Variants in VRK3 observed in about 807,000 individuals in gnomAD.
VRK3 encodes the protein serine/threonine-protein kinase VRK3.
In VRK3, 50 loss-of-function variants were observed where a neutral mutation model predicts 60.4. The ratio of observed to expected loss-of-function variants is 0.83; its 90% CI spans 0.66 to 1.05. The LOEUF is 1.05. Ranked by LOEUF, VRK3 falls within the 50% of genes least tolerant of loss-of-function variation. The pLI, the probability that VRK3 is intolerant of heterozygous loss-of-function variation, is 0.00. For missense variants in VRK3, 549 were observed against 585.3 expected (o/e 0.94, Z 0.64); for synonymous variants, 246 against 227.8 (o/e 1.08, Z -0.72).
At chr19:49,997,743 T>G in intron 6 of VRK3, 173 bp from the exon 7 acceptor site, 22 of 575,714 alleles carry the variant, frequency 3.8e-5, no homozygotes, top group Non-Finnish European at 5.5e-5. Context: ...GACTGCGAGC[T>G]ACCTTGCTGT....
chr19:49,983,691 G>A (rs1248407197), intron 12 of VRK3, among the ~76,000 whole-genome samples: 6 of 152,206 alleles, frequency 3.9e-5, no homozygotes, highest in African/African-American at 7.2e-5. Flanking sequence ...TTTGTCTGTC[G>A]TGAACTACAA....
chr19:49,989,818 G>T (rs1484808097), intron 10 of VRK3, 47 bp from the exon 11 acceptor site: 1 of 1,522,542 alleles, frequency 6.6e-7, no homozygotes, highest in South Asian at 1.3e-5. Flanking sequence ...TAGGAGCGTA[G>T]AAGTCAGAGA....
At chr19:49,992,662 T>C (rs1466860569) in intron 10 of VRK3, among the ~76,000 whole-genome samples, 198 bp downstream of exon 10, 3 of 152,236 alleles carry the variant, frequency 2.0e-5, no homozygotes, top group Non-Finnish European at 2.9e-5. Context: ...GTGGATTTCT[T>C]TTTTTAAGAA....
intron 11 of VRK3, 138 bp from the exon 12 acceptor site, chr19:49,988,630 C>T: frequency 8.5e-7 from 1 of 1,180,674 alleles, no homozygotes; most frequent in South Asian, 1.6e-5. Flanking sequence ...TATGGGCTGT[C>T]TCCTCCGCTC....
At chr19:49,978,793 T>C (rs1447824157) in intron 14 of VRK3, 5 of 285,234 alleles carry the variant, frequency 1.8e-5, no homozygotes, top group Non-Finnish European at 1.3e-5. Context: ...TGATGCTATT[T>C]TTGAGGCCCT....
intron 11 of VRK3, among the ~76,000 whole-genome samples, chr19:49,988,769 C>T (rs570875103): frequency 2.0e-5 from 3 of 152,332 alleles, no homozygotes; most frequent in South Asian, 4.1e-4. Context: ...CAAGCCTCAG[C>T]ACCCGTGTGC....
At position 49,994,901 on chromosome 19, in the gene VRK3, G is replaced by A. The variant is rs2076675000; in HGVS notation, c.783C>T (p.Ser261=). The part of the protein sequence containing the change: ...QDKYRFLVLP[S]LGRSLQSALD... The stretch of plus-strand genomic sequence containing the variant: ...GGGCCGACTGAAGGCTCCTCCCCAG[G>A]CTGGGTAACACCAAGAACCTGGAAG... The change falls in exon 9 of 15, where the codon AGC becomes AGT. Residue 261 remains serine (S), a synonymous_variant. Transcript: ENST00000316763. 4 of 1,614,064 alleles carry A rather than the reference G, an allele frequency of 2.5e-6. No individual in the cohort carries two copies. The African/African-American group carries it at 4.0e-5, about 16-fold the overall frequency.
chr19:50,019,366 C>CCTTTTTTTTTTTTTTTTTTTTT (rs1555854630), intron 2 of VRK3: 1 of 148,732 alleles, frequency 6.7e-6, no homozygotes. Flanking sequence ...CCATGCCTGG[C>CCTTTTTTTTTTTTTTTTTTTTT]TAATTAAAAA....
intron 14 of VRK3, among the ~76,000 whole-genome samples, chr19:49,977,257 G>A (rs770155202): frequency 1.2e-4 from 18 of 152,142 alleles, no homozygotes; most frequent in Admixed American, 3.3e-4. Context: ...AAGGGAGCTC[G>A]GCCTCGGGCC....
intron 12 of VRK3, among the ~76,000 whole-genome samples, chr19:49,983,355 C>T (rs1364825751): frequency 1.3e-5 from 2 of 152,216 alleles, no homozygotes; most frequent in Non-Finnish European, 2.9e-5. Context: ...AGATACAGCT[C>T]GAGGGCTTGG....
At position 49,989,663 on chromosome 19, in the gene VRK3, T is replaced by A. The variant is rs1035424865; in HGVS notation, c.1072A>T (p.Ser358Cys). 1.2e-6 allele frequency: 2 copies of A among 1,613,664 alleles called. No individual in the cohort carries two copies. Among genetic ancestry groups the A allele is most frequent in the Non-Finnish European group, 1.7e-6 (2 of 1,179,688 alleles). The change falls in exon 11 of 15, where the codon AGC becomes TGC. Residue 358 changes from serine to cysteine, a missense_variant. Transcript: ENST00000316763. ...SPHEGDLEFI[S>C]MDLHKGCGPS... ...CCGCATCCCTTGTGCAGGTCCATGC[T>A]AATGAACTCAAGGTCCCCCTCGTGA...
At chr19:49,993,876 C>T (rs1207468022) in intron 9 of VRK3, among the ~76,000 whole-genome samples, 3 of 152,114 alleles carry the variant, frequency 2.0e-5, no homozygotes, top group Non-Finnish European at 4.4e-5. Context: ...TGGACCCTCA[C>T]TCAGATTCTT....
At chr19:50,014,119 C>T (rs2077037580) in intron 3 of VRK3, among the ~76,000 whole-genome samples, 1 of 151,956 alleles carries the variant, frequency 6.6e-6, no homozygotes, top group Non-Finnish European at 1.5e-5. Context: ...ATATAAAAAT[C>T]AGCCGGGCAT....
At chr19:49,992,974 T>C in intron 9 of VRK3, 22 bp from the exon 10 acceptor site, 6 of 1,604,282 alleles carry the variant, frequency 3.7e-6, no homozygotes, top group Non-Finnish European at 5.1e-6. Context: ...AGCAAGTCAG[T>C]GTCTGCATGA....
rs901201420 is a variant in VRK3 at position 49,976,630 on chromosome 19, CG to C, written c.*165del. On this transcript the variant is annotated 3_prime_UTR_variant, in exon 15 of 15. Coordinates refer to ENST00000316763, the MANE Select transcript of VRK3 (RefSeq NM_016440.4). ...TCACGGGAGGGAAACTGGGGCCCTC[CG>C]GGAGGCTAATCAGGACTGATGAGTA... The C allele has an allele frequency of 5.2e-5, 8 of 152,558 alleles. No homozygotes were observed. Among genetic ancestry groups the C allele is most frequent in the African/African-American group, 1.7e-4 (7 of 41,392 alleles). The allele number at this position is 152,558 out of a possible 1,614,324, so 9.5% of individuals were successfully genotyped here.
chr19:50,023,333 G>A (rs1029528673), intron 1 of VRK3, among the ~76,000 whole-genome samples: 7 of 152,278 alleles, frequency 4.6e-5, no homozygotes, highest in East Asian at 3.9e-4. Context: ...TTACAGATGC[G>A]TGTCACCACG....
At chr19:49,989,530 T>TA in intron 11 of VRK3, 109 bp downstream of exon 11, 1 of 1,415,900 alleles carries the variant, frequency 7.1e-7, no homozygotes. Flanking sequence ...CTGGCGCCCT[T>TA]AGTGCCTCTC....
intron 12 of VRK3, chr19:49,986,175 GT>G (rs2123048465): frequency 6.6e-6 from 1 of 152,330 alleles, no homozygotes; most frequent in East Asian, 1.9e-4. Context: ...ACATCATAGA[GT>G]TTTTAAGGAC....
intron 6 of VRK3, chr19:50,000,344 T>C (rs567283639): frequency 5.6e-6 from 1 of 178,280 alleles, no homozygotes; most frequent in Admixed American, 5.7e-5. Context: ...GCACCCGATG[T>C]GTGATTTCAC....
Sources: allele counts gnomAD v4.1 joint callset (sites outside exome capture counted in the v4.1 genomes callset), GRCh38; gene constraint gnomAD v4.1.1; transcripts MANE v1.5; gene names NCBI Gene and HGNC (gene_info 2026-07-23, HGNC 2026-07-21).